The following ZNF563 variants were observed in gnomAD, a reference collection of about 807,000 sequenced individuals.
ZNF563 encodes the protein zinc finger protein 563.
In ZNF563, 39 loss-of-function variants were observed where a neutral mutation model predicts 48.5. The ratio of observed to expected loss-of-function variants is 0.80; its 90% CI spans 0.62 to 1.05. ZNF563 has a LOEUF of 1.05. Among genes scored for constraint, ZNF563 ranks in the 50% least tolerant of loss-of-function variants. ZNF563 has a pLI of 0.00. For synonymous variants in ZNF563, 168 were observed against 187.9 expected (o/e 0.89, Z 0.87); for missense variants, 538 against 597.0 (o/e 0.90, Z 1.03).
the ZNF563 span, among the ~76,000 whole-genome samples, chr19:12,345,047 T>A: frequency 1.3e-5 from 2 of 152,196 alleles, no homozygotes; most frequent in Admixed American, 1.3e-4. Context: ...CAGTGATGTG[T>A]ACATTGAAAA....
intron 1 of ZNF563, 50 bp from the exon 2 acceptor site, chr19:12,322,761 A>G: frequency 1.3e-6 from 2 of 1,521,034 alleles, no homozygotes; most frequent in Non-Finnish European, 1.8e-6. Flanking sequence ...ACAGTACTGA[A>G]AAAACTATAC....
intron 3 of ZNF563, 74 bp downstream of exon 3, chr19:12,321,198 C>G: frequency 9.2e-7 from 1 of 1,085,994 alleles, no homozygotes; most frequent in South Asian, 1.5e-5. Flanking sequence ...TGTTCATTTT[C>G]TTTGTTTTTA....
chr19:12,325,796 A>G lies in ZNF563; in HGVS notation c.4-3085T>C, dbSNP rs567862575. Among the ~76,000 whole-genome samples, 4 of 152,294 alleles carry G rather than the reference A, an allele frequency of 2.6e-5. No individual in the cohort carries two copies. In the East Asian group the frequency reaches 7.7e-4, roughly 29 times the overall value. ...AAGAGGTCAGGTTTTTGTATGTTTCATCTTCCTTCTTACTTTTAGCTTGTA... is the reference window on the plus strand; with the variant it reads ...AAGAGGTCAGGTTTTTGTATGTTTCGTCTTCCTTCTTACTTTTAGCTTGTA... On this transcript the variant is annotated intron_variant, in intron 1 of 3. Transcript: ENST00000293725.
the ZNF563 span, among the ~76,000 whole-genome samples, chr19:12,340,108 G>A: frequency 6.6e-6 from 1 of 152,180 alleles, no homozygotes; most frequent in African/African-American, 2.4e-5. Context: ...GCCGACATGG[G>A]CAGATACCTT....
At chr19:12,323,020 T>C (rs1454763694) in intron 1 of ZNF563, among the ~76,000 whole-genome samples, 1 of 152,234 alleles carries the variant, frequency 6.6e-6, no homozygotes, top group Non-Finnish European at 1.5e-5. Context: ...AAAGTCCTAC[T>C]GACAAAGTCC....
chr19:12,342,859 T>A, the ZNF563 span, among the ~76,000 whole-genome samples: 1 of 151,676 alleles, frequency 6.6e-6, no homozygotes, highest in Non-Finnish European at 1.5e-5. Flanking sequence ...TCAGAACTTA[T>A]GAGATGCAGC....
At chr19:12,332,870 C>T (rs1351149402) in intron 1 of ZNF563, among the ~76,000 whole-genome samples, 2 of 152,192 alleles carry the variant, frequency 1.3e-5, no homozygotes, top group African/African-American at 4.8e-5. Context: ...ACTTTACCTA[C>T]AACTGTCTTA....
At position 12,319,677 on chromosome 19, in the gene ZNF563, TA is replaced by T; in HGVS notation, c.347del (p.Leu116TyrfsTer74). ...CAACTCTGATGTGGCTATTAAGGGATAAATGACCCATTATGACTTCTTCACA... is the reference window on the plus strand; with the variant it reads ...CAACTCTGATGTGGCTATTAAGGGATAATGACCCATTATGACTTCTTCACA... ...AECEEVIMGH[L>X]SLNSHIRVDS... On this transcript the variant is annotated frameshift_variant, in exon 4 of 4. Coordinates refer to ENST00000293725, the MANE Select transcript of ZNF563 (RefSeq NM_145276.3). LOFTEE classifies it high-confidence loss of function. The T allele has an allele frequency of 6.2e-7, 1 of 1,614,178 alleles. No individual in the cohort carries two copies. The highest frequency in any genetic ancestry group is 1.1e-5 in the South Asian group (1 of 91,082).
chr19:12,326,990 T>G (rs774518898), intron 1 of ZNF563, among the ~76,000 whole-genome samples: 1 of 152,192 alleles, frequency 6.6e-6, no homozygotes, highest in Non-Finnish European at 1.5e-5. Context: ...TTCAAACAGT[T>G]TATTATACCA....
At chr19:12,320,726 T>C (rs1568473672) in intron 3 of ZNF563, among the ~76,000 whole-genome samples, 1 of 152,008 alleles carries the variant, frequency 6.6e-6, no homozygotes, top group Non-Finnish European at 1.5e-5. Context: ...CTCAAACTCC[T>C]GACCTCAAGT....
At chr19:12,320,834 A>C (rs930083800) in intron 3 of ZNF563, among the ~76,000 whole-genome samples, 14 of 152,070 alleles carry the variant, frequency 9.2e-5, no homozygotes, top group South Asian at 2.1e-4. Context: ...TTTAGGAGGA[A>C]ATTTTTTAAG....
chr19:12,326,083 T>C (rs1240267006), intron 1 of ZNF563, among the ~76,000 whole-genome samples: 2 of 152,128 alleles, frequency 1.3e-5, no homozygotes, highest in Non-Finnish European at 2.9e-5. Context: ...GGCTCATCAA[T>C]GGAAAAACCT....
At position 12,318,000 on chromosome 19, in the gene ZNF563, T is replaced by C; in HGVS notation, c.*594A>G. 6.2e-6 allele frequency: 1 copy of C among 160,842 alleles called. No individual in the cohort carries two copies. Among genetic ancestry groups the C allele is most frequent in the Non-Finnish European group, 1.4e-5 (1 of 71,598 alleles). The allele number at this position is 160,842 out of a possible 1,614,324, so 10.0% of individuals were successfully genotyped here. A position where few individuals can be genotyped will look rare whatever the true frequency, so the allele number is the denominator to read the frequency against. On this transcript the variant is annotated 3_prime_UTR_variant, in exon 4 of 4. Transcript: ENST00000293725. Reference sequence around the variant, plus strand: ...TATGACTTCTCTCCAGAGTGAATCCTTTCATGTACTTTTTTTTTTTTTTTG... The same window carrying C: ...TATGACTTCTCTCCAGAGTGAATCCCTTCATGTACTTTTTTTTTTTTTTTG...
chr19:12,319,396 C>T lies in ZNF563; in HGVS notation c.629G>A (p.Ser210Asn). Residue 210 changes from serine to asparagine, a missense_variant, in exon 4 of 4, where the codon AGT becomes AAT. By Grantham distance (46) the Ser-to-Asn change is conservative. Transcript: ENST00000293725. Reference protein sequence around the residue: ...KLCGKAFFWPSLLRMHERTHT... With the variant: ...KLCGKAFFWPNLLRMHERTHT... ...AGTTCTTTCATGCATACGTAATAAA[C>T]TGGGCCAAAAAAAAGCTTTCCCACA... 2 of 1,614,188 alleles carry T rather than the reference C, an allele frequency of 1.2e-6. No individual in the cohort carries two copies. The highest frequency in any genetic ancestry group is 8.5e-7 in the Non-Finnish European group (1 of 1,180,036).
intron 3 of ZNF563, among the ~76,000 whole-genome samples, 157 bp from the exon 4 acceptor site, chr19:12,319,990 C>T (rs1380419490): frequency 1.3e-5 from 2 of 151,556 alleles, no homozygotes; most frequent in African/African-American, 2.4e-5. Context: ...GATCTCGGCT[C>T]ACTGCAATCT....
Position 12,333,520 on chromosome 19 carries a change from C to T in ZNF563, c.-38G>A, listed in dbSNP as rs1968975448. 6.2e-7 allele frequency: 1 copy of T among 1,612,740 alleles called. No homozygotes were observed. The highest frequency in any genetic ancestry group is 2.2e-5 in the East Asian group (1 of 44,840). ...GGGATGTTCCAGGGTCCTCCCTCTG[C>T]CTCCCGCTGCCAGTGCGGGTCCCAC... is the stretch of plus-strand genomic sequence containing the variant. On this transcript the variant is annotated 5_prime_UTR_variant, in exon 1 of 4. Transcript: ENST00000293725.
intron 1 of ZNF563, among the ~76,000 whole-genome samples, chr19:12,327,796 A>C (rs930279170): frequency 6.6e-6 from 1 of 152,242 alleles, no homozygotes; most frequent in Non-Finnish European, 1.5e-5. Flanking sequence ...ATTAAGGAAA[A>C]TTATAAGGCA....
At chr19:12,345,823 G>A in the ZNF563 span, 2 of 152,086 alleles carry the variant, frequency 1.3e-5, no homozygotes. Flanking sequence ...GGGAGGCTGA[G>A]GCATGAGAAT....
chr19:12,319,982 T>C (rs1968566127), intron 3 of ZNF563, 149 bp from the exon 4 acceptor site: 2 of 717,452 alleles, frequency 2.8e-6, no homozygotes, highest in South Asian at 2.0e-5. Flanking sequence ...AGCGGCACGA[T>C]CTCGGCTCAC....
Sources: allele counts gnomAD v4.1 joint callset (sites outside exome capture counted in the v4.1 genomes callset), GRCh38; gene constraint gnomAD v4.1.1; transcripts MANE v1.5; gene names NCBI Gene and HGNC (gene_info 2026-07-23, HGNC 2026-07-21).